CDH4: variants seen among roughly 807,000 people sequenced by gnomAD.
CDH4 encodes the protein cadherin-4.
In CDH4, 33 loss-of-function variants were observed where a neutral mutation model predicts 86.0. The ratio of observed to expected loss-of-function variants is 0.38; its 90% confidence interval spans 0.29 to 0.51. The LOEUF (loss-of-function observed/expected upper bound fraction) is 0.51. Ranked by LOEUF, CDH4 falls within the 20% of genes least tolerant of loss-of-function variation. The probability of loss-of-function intolerance (pLI) is 0.86; values close to 1 mark genes in which losing one functional copy is unlikely to be tolerated. For synonymous variants in CDH4, 555 were observed against 549.4 expected (o/e 1.01, Z -0.14); for missense variants, 1,114 against 1,307.4 (o/e 0.85, Z 2.28).
At chr20:61,901,263 A>G (rs1383983756) in intron 8 of CDH4, among the ~76,000 whole-genome samples, 3 of 114,010 alleles carry the variant, frequency 2.6e-5, no homozygotes, top group Non-Finnish European at 4.1e-5. Context: ...AGGGCCTGCA[A>G]CTTCCTTCTG....
At position 61,811,294 on chromosome 20, in the gene CDH4, A is replaced by G. The variant is rs926811061; in HGVS notation, c.577-33374A>G. Reference sequence around the variant, plus strand: ...GAGCTTTTCCTGAAAGCTGGGATCCACATGCCGGCAGCCCAAGACCGCCCT... The same window carrying G: ...GAGCTTTTCCTGAAAGCTGGGATCCGCATGCCGGCAGCCCAAGACCGCCCT... On this transcript the variant is annotated intron_variant, in intron 4 of 15. Coordinates refer to ENST00000614565, the MANE Select transcript of CDH4 (RefSeq NM_001794.5). This position sits in a 1 kb window ranked among gnomAD's most constrained non-coding sequence, Gnocchi z 4.4. Among the ~76,000 whole-genome samples the G allele has an allele frequency of 6.6e-6, 1 of 152,228 alleles. No homozygotes were observed. Among genetic ancestry groups the G allele is most frequent in the African/African-American group, 2.4e-5 (1 of 41,464 alleles).
rs1337261053 is a variant in CDH4 at position 61,282,557 on chromosome 20, G to GCA, written c.169+27620_169+27621insCA. Among the ~76,000 whole-genome samples the GCA allele has an allele frequency of 8.2e-3, 1,243 of 151,520 alleles. 16 individuals are homozygous for GCA. Among genetic ancestry groups the GCA allele is most frequent in the African/African-American group, 0.029 (1,181 of 41,204 alleles). On this transcript the variant is annotated intron_variant, in intron 2 of 15. Coordinates refer to ENST00000614565, the MANE Select transcript of CDH4 (RefSeq NM_001794.5). The stretch of plus-strand genomic sequence containing the variant: ...GCATGGTGTGTGTGCATGTGTGTGT[G>GCA]TGTGTGTGTGTGTGTATGTCTATCT...
intron 2 of CDH4, among the ~76,000 whole-genome samples, chr20:61,568,173 G>A (rs2086314424): frequency 6.6e-6 from 1 of 152,126 alleles, no homozygotes; most frequent in African/African-American, 2.4e-5. Context: ...CAGATACGGT[G>A]ACAGGGTTCA....
intron 3 of CDH4, among the ~76,000 whole-genome samples, chr20:61,748,295 G>A (rs986253942): frequency 5.9e-5 from 9 of 152,156 alleles, no homozygotes; most frequent in African/African-American, 2.2e-4. Context: ...ACCATGACCA[G>A]CTAATTTTTG....
chr20:61,712,421 A>T lies in CDH4; in HGVS notation c.170-31142A>T, dbSNP rs375167720. 1.1e-3 allele frequency among the ~76,000 whole-genome samples: 165 copies of T among 152,246 alleles called. 5 individuals carry two copies. In the South Asian group the frequency reaches 0.02, roughly 18 times the overall value. On this transcript the variant is annotated intron_variant, in intron 2 of 15. Transcript: ENST00000614565. ...AGCTCTGGCAGGGCCAACAGTGTTG[A>T]TCCAGAGAGGACACTTAGCCACTGC...
intron 2 of CDH4, among the ~76,000 whole-genome samples, chr20:61,331,631 CCCCAGACCCA>C (rs1568801100): frequency 0.026 from 2,452 of 92,782 alleles, no homozygotes; most frequent in African/African-American, 0.034. Context: ...CCACCTCCTG[CCCCAGACCCA>C]CCTCCCGCCC....
At chr20:61,778,624 G>T (rs146017491) in intron 4 of CDH4, among the ~76,000 whole-genome samples, 9 of 152,088 alleles carry the variant, frequency 5.9e-5, no homozygotes, top group African/African-American at 2.2e-4. Flanking sequence ...GAATCAGACC[G>T]CAGTCTAAAG....
chr20:61,522,877 C>T (rs542501031), intron 2 of CDH4, among the ~76,000 whole-genome samples: 16 of 152,374 alleles, frequency 1.1e-4, no homozygotes, highest in African/African-American at 2.6e-4. Context: ...CCGGGTGGGC[C>T]GGAGCCCTCT....
intron 2 of CDH4, among the ~76,000 whole-genome samples, chr20:61,383,282 A>AT (rs1459016692): frequency 2.0e-5 from 2 of 100,912 alleles, no homozygotes; most frequent in African/African-American, 9.1e-5. Flanking sequence ...TGAATATATG[A>AT]TATATATGAA....
At chr20:61,439,906 C>T (rs1436548061) in intron 2 of CDH4, among the ~76,000 whole-genome samples, 4 of 152,240 alleles carry the variant, frequency 2.6e-5, no homozygotes, top group Non-Finnish European at 5.9e-5. Flanking sequence ...CATTCTTGTA[C>T]AGACCACTCC....
At chr20:61,625,120 A>T (rs1354631803) in intron 2 of CDH4, among the ~76,000 whole-genome samples, 1 of 152,006 alleles carries the variant, frequency 6.6e-6, no homozygotes, top group African/African-American at 2.4e-5. Flanking sequence ...GTCTAATAGG[A>T]CGTGTAAGAA....
At chr20:61,802,791 G>A (rs1386481857) in intron 4 of CDH4, among the ~76,000 whole-genome samples, 2 of 152,188 alleles carry the variant, frequency 1.3e-5, no homozygotes, top group African/African-American at 4.8e-5. Flanking sequence ...GGAGGAACCG[G>A]GCCTTCCCAC....
chr20:61,876,167 G>A (rs1984015984), intron 7 of CDH4, among the ~76,000 whole-genome samples: 1 of 152,250 alleles, frequency 6.6e-6, no homozygotes, highest in Admixed American at 6.5e-5. Flanking sequence ...TCAGGCCTGT[G>A]AGCGCCGGCA....
At chr20:61,726,481 G>A (rs2088112536) in intron 2 of CDH4, among the ~76,000 whole-genome samples, 1 of 152,152 alleles carries the variant, frequency 6.6e-6, no homozygotes. Context: ...CAGCCTAAGG[G>A]CATTGTGGGG....
At chr20:61,757,164 C>T (rs758740825) in intron 3 of CDH4, among the ~76,000 whole-genome samples, 3 of 152,184 alleles carry the variant, frequency 2.0e-5, no homozygotes, top group Non-Finnish European at 4.4e-5. Context: ...GGTGCAGATT[C>T]CATGGCCCCT....
chr20:61,514,306 G>GCCCCCCCCCC (rs1215793319), intron 2 of CDH4, among the ~76,000 whole-genome samples: 39 of 125,874 alleles, frequency 3.1e-4, no homozygotes, highest in African/African-American at 9.3e-4. Context: ...GCCTCAGTCC[G>GCCCCCCCCCC]CCCCCCCCGC....
At chr20:61,691,947 C>G (rs2087660348) in intron 2 of CDH4, among the ~76,000 whole-genome samples, 1 of 152,210 alleles carries the variant, frequency 6.6e-6, no homozygotes, top group Non-Finnish European at 1.5e-5. Flanking sequence ...CTACTGAGCA[C>G]TTTTGTGTAT....
intron 2 of CDH4, among the ~76,000 whole-genome samples, chr20:61,557,425 C>A (rs1228510368): frequency 2.0e-5 from 3 of 152,226 alleles, no homozygotes; most frequent in Non-Finnish European, 2.9e-5. Context: ...GTGACTTTCA[C>A]TAAGACCACA....
intron 2 of CDH4, among the ~76,000 whole-genome samples, chr20:61,671,893 AGGATGGAT>A (rs889697133): frequency 6.7e-6 from 1 of 149,956 alleles, no homozygotes; most frequent in African/African-American, 2.5e-5. Context: ...GGACAGATGG[AGGATGGAT>A]GGATGGATGA....
Sources: allele counts gnomAD v4.1 joint callset (sites outside exome capture counted in the v4.1 genomes callset), GRCh38; gene constraint gnomAD v4.1.1; non-coding constraint Gnocchi (gnomAD v3.1); transcripts MANE v1.5; gene names NCBI Gene and HGNC (gene_info 2026-07-23, HGNC 2026-07-21).